Variants in ATXN10 observed in about 807,000 individuals in gnomAD.
ATXN10 encodes the protein ataxin 10, also known as ataxin-10.
ATXN10 carries 28 observed loss-of-function variants against 52.9 expected under a neutral mutation model. The observed-to-expected ratio is 0.53, with a 90% CI of 0.39 to 0.73. The LOEUF is 0.73. Among genes scored for constraint, ATXN10 ranks in the 30% least tolerant of loss-of-function variants. ATXN10 has a pLI of 0.00. For missense variants in ATXN10, 565 were observed against 577.0 expected (o/e 0.98, Z 0.21); for synonymous variants, 226 against 221.5 (o/e 1.02, Z -0.18).
At chr22:45,697,100 C>T (rs927668341) in intron 3 of ATXN10, among the ~76,000 whole-genome samples, 1 of 152,034 alleles carries the variant, frequency 6.6e-6, no homozygotes, top group African/African-American at 2.4e-5. Flanking sequence ...AGTACATCCA[C>T]AGTATTATGC....
At chr22:45,693,609 A>C (rs993377312) in intron 3 of ATXN10, among the ~76,000 whole-genome samples, 1 of 152,210 alleles carries the variant, frequency 6.6e-6, no homozygotes, top group African/African-American at 2.4e-5. Context: ...GTTGGGGATT[A>C]GATTTCAGCA....
rs1927434230 is a variant in ATXN10 at position 45,789,528 on chromosome 22, C to G, written c.1174-17431C>G. ...TGTATACCATGGACGCTATACAGCT[C>G]AACTCAAAGAGGGATTCAATTGTCA... On this transcript the variant is annotated intron_variant, in intron 9 of 11. Coordinates refer to ENST00000252934, the MANE Select transcript of ATXN10 (RefSeq NM_013236.4). This position sits in a 1 kb window ranked among gnomAD's most constrained non-coding sequence, Gnocchi z 4.0. 6.6e-6 allele frequency among the ~76,000 whole-genome samples: 1 copy of G among 152,162 alleles called. No homozygotes were observed. Among genetic ancestry groups the G allele is most frequent in the South Asian group, 2.1e-4 (1 of 4,834 alleles).
At chr22:45,802,759 T>C (rs1015930199) in intron 9 of ATXN10, among the ~76,000 whole-genome samples, 1 of 152,380 alleles carries the variant, frequency 6.6e-6, no homozygotes, top group East Asian at 1.9e-4. Context: ...GTTTTTAATG[T>C]GTGATTTCAT....
chr22:45,709,182 C>G (rs79569619), intron 5 of ATXN10, among the ~76,000 whole-genome samples: 2,701 of 152,248 alleles, frequency 0.018, 92 homozygotes, highest in African/African-American at 0.062. Flanking sequence ...CTCTTCTGTT[C>G]GCGCACAACA....
In ATXN10 at chr22:45,759,801, C is replaced by T. The variant is rs904421288; in HGVS notation, c.1173+19263C>T. On this transcript the variant is annotated intron_variant, in intron 9 of 11. Transcript: ENST00000252934. The surrounding 1 kb of genome is among the most constrained non-coding windows in gnomAD (Gnocchi z 5.4). ...CCATATAACAGTCAGCACTGTCCAT[C>T]GCTTGCTTCTCTCTCTTTCTAATTT... Among the ~76,000 whole-genome samples the T allele has an allele frequency of 5.3e-5, 8 of 152,192 alleles. No homozygotes were observed. Among genetic ancestry groups the T allele is most frequent in the East Asian group, 1.9e-4 (1 of 5,194 alleles).
chr22:45,778,551 C>T (rs1233050432), intron 9 of ATXN10, among the ~76,000 whole-genome samples: 2 of 152,096 alleles, frequency 1.3e-5, no homozygotes, highest in African/African-American at 4.8e-5. Context: ...GAGTTGGAAC[C>T]CTTATAAGTC....
chr22:45,709,590 G>T (rs1601600013), intron 5 of ATXN10, among the ~76,000 whole-genome samples: 1 of 152,160 alleles, frequency 6.6e-6, no homozygotes, highest in African/African-American at 2.4e-5. Context: ...ATGGCCCACG[G>T]CTGGTCCTCA....
intron 9 of ATXN10, among the ~76,000 whole-genome samples, chr22:45,800,776 G>A (rs1169972542): frequency 6.6e-6 from 1 of 152,192 alleles, no homozygotes; most frequent in Non-Finnish European, 1.5e-5. Flanking sequence ...ATGTAACAAC[G>A]TGGATGAATC....
At position 45,763,285 on chromosome 22, in the gene ATXN10, A is replaced by G. The variant is rs1926464546; in HGVS notation, c.1173+22747A>G. On this transcript the variant is annotated intron_variant, in intron 9 of 11. Transcript: ENST00000252934. This position sits in a 1 kb window ranked among gnomAD's most constrained non-coding sequence, Gnocchi z 6.9. Reference sequence around the variant, plus strand: ...GGGCCTGGCGTGTTCAAGGCAGAGAAGGAAGGAACGAGGGAACTGGCTGGA... The same window carrying G: ...GGGCCTGGCGTGTTCAAGGCAGAGAGGGAAGGAACGAGGGAACTGGCTGGA... Among the ~76,000 whole-genome samples the G allele has an allele frequency of 6.6e-6, 1 of 152,142 alleles. No individual in the cohort carries two copies. The highest frequency in any genetic ancestry group is 2.4e-5 in the African/African-American group (1 of 41,424).
At chr22:45,707,087 C>T (rs1435015793) in intron 5 of ATXN10, among the ~76,000 whole-genome samples, 1 of 151,920 alleles carries the variant, frequency 6.6e-6, no homozygotes, top group Non-Finnish European at 1.5e-5. Context: ...ATGCATTGAC[C>T]CTTTCTCATT....
chr22:45,684,838 G>C lies in ATXN10; in HGVS notation c.117-4874G>C, dbSNP rs1026130678. Among the ~76,000 whole-genome samples, 12 of 152,190 alleles carry C rather than the reference G, an allele frequency of 7.9e-5. No individual in the cohort carries two copies. The highest frequency in any genetic ancestry group is 2.9e-4 in the African/African-American group (12 of 41,428). On this transcript the variant is annotated intron_variant, in intron 1 of 11. Coordinates refer to ENST00000252934, the MANE Select transcript of ATXN10 (RefSeq NM_013236.4). The surrounding 1 kb of genome is among the most constrained non-coding windows in gnomAD (Gnocchi z 4.1). ...TTTTACCCTAGGCTGTTTGTGGCAG[G>C]AGATACAGATGTTTTTATTTTCTGT...
At chr22:45,800,754 A>G (rs1927905143) in intron 9 of ATXN10, among the ~76,000 whole-genome samples, 1 of 152,246 alleles carries the variant, frequency 6.6e-6, no homozygotes, top group African/African-American at 2.4e-5. Context: ...AATAAACAAA[A>G]ATCAATGATA....
At position 45,728,930 on chromosome 22, in the gene ATXN10, G is replaced by A. The variant is rs1202853128; in HGVS notation, c.729-495G>A. On this transcript the variant is annotated intron_variant, in intron 6 of 11. Transcript: ENST00000252934. The surrounding 1 kb of genome is among the most constrained non-coding windows in gnomAD (Gnocchi z 4.3). ...TAGCTTAGACTCTCAGTGGTTTTGT[G>A]ACACTGGACAAGTTAATTAACCTCA... is the stretch of plus-strand genomic sequence containing the variant. Among the ~76,000 whole-genome samples the A allele has an allele frequency of 6.6e-6, 1 of 152,158 alleles. No homozygotes were observed. The highest frequency in any genetic ancestry group is 1.5e-5 in the Non-Finnish European group (1 of 68,026).
Position 45,790,719 on chromosome 22 carries a change from A to G in ATXN10, c.1174-16240A>G, listed in dbSNP as rs529420019. 6.6e-6 allele frequency among the ~76,000 whole-genome samples: 1 copy of G among 152,298 alleles called. No homozygotes were observed. Among genetic ancestry groups the G allele is most frequent in the East Asian group, 1.9e-4 (1 of 5,180 alleles). The stretch of plus-strand genomic sequence containing the variant: ...AGGACCCAATCACAGTTTCTGTTCA[A>G]ATAGCCACTGAAACATCTACTCTTT... On this transcript the variant is annotated intron_variant, in intron 9 of 11. Transcript: ENST00000252934. The surrounding 1 kb of genome is among the most constrained non-coding windows in gnomAD (Gnocchi z 4.7).
At position 45,824,202 on chromosome 22, in the gene ATXN10, C is replaced by T. The variant is rs1245103647; in HGVS notation, c.1237+17180C>T. Among the ~76,000 whole-genome samples the T allele has an allele frequency of 1.3e-5, 2 of 152,128 alleles. No individual in the cohort carries two copies. The highest frequency in any genetic ancestry group is 2.4e-5 in the African/African-American group (1 of 41,394). On this transcript the variant is annotated intron_variant, in intron 10 of 11. Transcript: ENST00000252934. The surrounding 1 kb of genome is among the most constrained non-coding windows in gnomAD (Gnocchi z 5.2). ...CCTCTTCTAATATCCCACACTGCCC[C>T]TGCAGCTCACAGAGACCTGCACATA...
rs536453998 is a variant in ATXN10, at chr22:45,733,909, A to G, written c.894+4319A>G. 2.0e-5 allele frequency among the ~76,000 whole-genome samples: 3 copies of G among 149,888 alleles called. No homozygotes were observed. Among genetic ancestry groups the G allele is most frequent in the African/African-American group, 7.4e-5 (3 of 40,666 alleles). ...GTTTTTTGTTTTCATTTTTTGCACTATTCTTCAACTTGCTGTTTTTACTTA... is the reference window on the plus strand; with the variant it reads ...GTTTTTTGTTTTCATTTTTTGCACTGTTCTTCAACTTGCTGTTTTTACTTA... On this transcript the variant is annotated intron_variant, in intron 7 of 11. Coordinates refer to ENST00000252934, the MANE Select transcript of ATXN10 (RefSeq NM_013236.4). This position sits in a 1 kb window ranked among gnomAD's most constrained non-coding sequence, Gnocchi z 4.4.
At chr22:45,735,344 A>G (rs1174216265) in intron 7 of ATXN10, among the ~76,000 whole-genome samples, 2 of 151,428 alleles carry the variant, frequency 1.3e-5, no homozygotes, top group African/African-American at 4.9e-5. Context: ...CCCAGGCTGG[A>G]GCGTAGTGGT....
chr22:45,764,241 C>T (rs937326478), intron 9 of ATXN10, among the ~76,000 whole-genome samples: 1 of 152,026 alleles, frequency 6.6e-6, no homozygotes, highest in African/African-American at 2.4e-5. Context: ...CCCCAGCCCC[C>T]ACCCCCACTC....
In ATXN10 at chr22:45,715,697, T is replaced by C. The variant is rs1174398798; in HGVS notation, c.648-2716T>C. 6.6e-6 allele frequency among the ~76,000 whole-genome samples: 1 copy of C among 152,200 alleles called. No homozygotes were observed. The highest frequency in any genetic ancestry group is 6.5e-5 in the Admixed American group (1 of 15,276). On this transcript the variant is annotated intron_variant, in intron 5 of 11. Coordinates refer to ENST00000252934, the MANE Select transcript of ATXN10 (RefSeq NM_013236.4). The surrounding 1 kb of genome is among the most constrained non-coding windows in gnomAD (Gnocchi z 4.4). ...GGTAGCCACCTTCACCTGAGTGATATTTATAGACCTTCCCTTAGTACTTCC... is the reference window on the plus strand; with the variant it reads ...GGTAGCCACCTTCACCTGAGTGATACTTATAGACCTTCCCTTAGTACTTCC...
Sources: allele counts gnomAD v4.1 joint callset (sites outside exome capture counted in the v4.1 genomes callset), GRCh38; gene constraint gnomAD v4.1.1; non-coding constraint Gnocchi (gnomAD v3.1); transcripts MANE v1.5; gene names NCBI Gene and HGNC (gene_info 2026-07-23, HGNC 2026-07-21).